The following CADM2 variants were observed in gnomAD, a reference collection of about 807,000 sequenced individuals.
The protein encoded by CADM2 is immunoglobulin superfamily member 4D.
Under a neutral mutation model 49.8 loss-of-function variants are expected in CADM2, and 12 were observed. The ratio of observed to expected loss-of-function variants is 0.24; its 90% confidence interval spans 0.15 to 0.39. CADM2 has a LOEUF of 0.39. CADM2 is among the 10% of genes least tolerant of loss of function. The probability of loss-of-function intolerance (pLI) is 1.00; values close to 1 mark genes in which losing one functional copy is unlikely to be tolerated. For synonymous variants in CADM2, 214 were observed against 175.4 expected, an observed-to-expected ratio of 1.22 and a Z score of -1.74; for missense variants, 378 against 492.3, an observed-to-expected ratio of 0.77 and a Z score of 2.20.
At chr3:85,642,184 T>C (rs1466514415) in intron 1 of CADM2, among the ~76,000 whole-genome samples, 1 of 152,180 alleles carries the variant, frequency 6.6e-6, no homozygotes, top group African/African-American at 2.4e-5. Flanking sequence ...GCCCTGTTTG[T>C]TTAATACTGC....
At chr3:85,726,634 C>T (rs1251150682) in intron 2 of CADM2, 86 bp downstream of exon 2, 18 of 1,032,476 alleles carry the variant, frequency 1.7e-5, no homozygotes, top group Middle Eastern at 2.0e-4. Context: ...AGAACCAATT[C>T]GGTTGGTGAT....
At position 85,431,439 on chromosome 3, in the gene CADM2, T is replaced by G. The variant is rs977192220; in HGVS notation, c.62-295083T>G. Among the ~76,000 whole-genome samples the G allele has an allele frequency of 7.6e-4, 115 of 152,092 alleles. 1 individual carries two copies. The highest frequency in any genetic ancestry group is 5.9e-5 in the Non-Finnish European group (4 of 68,022). On this transcript the variant is annotated intron_variant, in intron 1 of 9. Transcript: ENST00000383699. ...AATCTCCTGCTCTGCAAAATTAGGA[T>G]AATAACACCTATCTTTAGGGTTTTC...
At chr3:85,833,247 T>C (rs1165079242) in intron 3 of CADM2, among the ~76,000 whole-genome samples, 1 of 151,710 alleles carries the variant, frequency 6.6e-6, no homozygotes, top group African/African-American at 2.4e-5. Context: ...TTTTAATCTA[T>C]GTTCATCAGG....
chr3:85,852,061 A>G (rs1178225859), intron 3 of CADM2, among the ~76,000 whole-genome samples: 1 of 152,108 alleles, frequency 6.6e-6, no homozygotes, highest in Non-Finnish European at 1.5e-5. Context: ...ATTACTGCAA[A>G]TGCCTTTAAA....
chr3:85,816,620 C>T (rs1230100107), intron 3 of CADM2, among the ~76,000 whole-genome samples: 2 of 152,016 alleles, frequency 1.3e-5, no homozygotes, highest in African/African-American at 4.8e-5. Context: ...TTTCAAATAT[C>T]GTTTTTCAAA....
At chr3:85,208,506 G>A (rs1257325684) in intron 1 of CADM2, among the ~76,000 whole-genome samples, 1 of 152,086 alleles carries the variant, frequency 6.6e-6, no homozygotes, top group South Asian at 2.1e-4. Flanking sequence ...AGGGGGTGAA[G>A]ATTTTGCTGG....
intron 1 of CADM2, among the ~76,000 whole-genome samples, chr3:85,225,965 T>G (rs536946439): frequency 6.6e-6 from 1 of 152,352 alleles, no homozygotes; most frequent in African/African-American, 2.4e-5. Context: ...TTCATCGTGG[T>G]GGATAAGCTT....
intron 1 of CADM2, among the ~76,000 whole-genome samples, chr3:85,158,141 A>G (rs890732752): frequency 2.0e-5 from 3 of 152,348 alleles, no homozygotes; most frequent in Admixed American, 1.3e-4. Context: ...CCACAATGAG[A>G]TACCATCTCA....
chr3:85,829,234 C>A (rs757216457), intron 3 of CADM2, among the ~76,000 whole-genome samples: 6 of 151,824 alleles, frequency 4.0e-5, no homozygotes, highest in Non-Finnish European at 7.4e-5. Flanking sequence ...CTGTGAAGGA[C>A]TGGCTTTCTC....
rs1728039122 is a variant in CADM2 at position 85,985,832 on chromosome 3, A to T, written c.970+24185A>T. ...GAGCTATATAAATTGAAAATAAAAC[A>T]AAGTTAAGTACACACTTTGGGCCAT... On this transcript the variant is annotated intron_variant, in intron 8 of 9. Coordinates refer to ENST00000383699, the MANE Select transcript of CADM2 (RefSeq NM_001167675.2). Among the ~76,000 whole-genome samples, 3 of 152,132 alleles carry T rather than the reference A, an allele frequency of 2.0e-5. No individual in the cohort carries two copies. In the South Asian group the frequency reaches 6.2e-4, roughly 32 times the overall value.
At chr3:85,828,256 A>G (rs2074016693) in intron 3 of CADM2, among the ~76,000 whole-genome samples, 1 of 152,030 alleles carries the variant, frequency 6.6e-6, no homozygotes, top group African/African-American at 2.4e-5. Flanking sequence ...AAACACGGGT[A>G]AAGCAGTTGT....
intron 1 of CADM2, among the ~76,000 whole-genome samples, chr3:85,097,394 T>C (rs1434716711): frequency 6.6e-6 from 1 of 152,246 alleles, no homozygotes; most frequent in Non-Finnish European, 1.5e-5. Context: ...TAATCCAGTC[T>C]ATCATTGTTG....
intron 3 of CADM2, among the ~76,000 whole-genome samples, chr3:85,814,052 G>A (rs114123197): frequency 0.072 from 10,971 of 152,054 alleles, 422 homozygotes; most frequent in South Asian, 0.11. Context: ...GAAGTTTAAA[G>A]AATTTTTTTT....
intron 1 of CADM2, among the ~76,000 whole-genome samples, chr3:85,443,405 AT>A (rs921843275): frequency 6.6e-6 from 1 of 152,002 alleles, no homozygotes; most frequent in Admixed American, 6.6e-5. Flanking sequence ...TAACCTCACT[AT>A]TCTCTCCAGC....
intron 1 of CADM2, among the ~76,000 whole-genome samples, chr3:85,082,648 A>G (rs186336941): frequency 5.7e-4 from 87 of 152,282 alleles, no homozygotes; most frequent in Middle Eastern, 3.4e-3. Flanking sequence ...TGAATACATA[A>G]CAATGAAGGT....
intron 1 of CADM2, among the ~76,000 whole-genome samples, chr3:85,343,699 A>G (rs1408102170): frequency 1.3e-5 from 2 of 152,206 alleles, no homozygotes; most frequent in African/African-American, 2.4e-5. Context: ...TTGGCTCGAC[A>G]GTGTCTACTA....
intron 1 of CADM2, among the ~76,000 whole-genome samples, chr3:85,381,195 T>C (rs1368374628): frequency 6.6e-6 from 1 of 152,048 alleles, no homozygotes; most frequent in Non-Finnish European, 1.5e-5. Context: ...TGATTGGAGC[T>C]GATTTCCGTA....
At chr3:85,888,311 T>C (rs1270538182) in intron 5 of CADM2, among the ~76,000 whole-genome samples, 3 of 152,188 alleles carry the variant, frequency 2.0e-5, no homozygotes, top group Non-Finnish European at 4.4e-5. Context: ...AGTGAATTTT[T>C]GACAAAATTG....
At chr3:85,052,399 A>G (rs922324792) in intron 1 of CADM2, among the ~76,000 whole-genome samples, 7 of 152,168 alleles carry the variant, frequency 4.6e-5, no homozygotes, top group African/African-American at 9.6e-5. Flanking sequence ...ACCCTGTACA[A>G]TAGGGTTTTA....
Sources: allele counts gnomAD v4.1 joint callset (sites outside exome capture counted in the v4.1 genomes callset), GRCh38; gene constraint gnomAD v4.1.1; transcripts MANE v1.5; gene names NCBI Gene and HGNC (gene_info 2026-07-23, HGNC 2026-07-21).